CELF2: variants seen among roughly 807,000 people sequenced by gnomAD.
The protein encoded by CELF2 is CUGBP Elav-like family member 2, also known as CUG triplet repeat RNA-binding protein 2.
A neutral mutation model predicts 62.6 loss-of-function variants in CELF2; 8 were observed. The ratio of observed to expected loss-of-function variants is 0.13; its 90% CI spans 0.07 to 0.23. The LOEUF (loss-of-function observed/expected upper bound fraction) is 0.23. Among genes scored for constraint, CELF2 ranks in the 10% least tolerant of loss-of-function variants. The pLI is 1.00. For missense variants in CELF2, 333 were observed against 671.0 expected (o/e 0.50, Z 5.56); for synonymous variants, 258 against 250.0 (o/e 1.03, Z -0.30).
rs17149671 is a variant in CELF2 at position 11,157,018 on chromosome 10, G to T, written c.75-8468G>T. Among the ~76,000 whole-genome samples, 672 of 152,280 alleles carry T rather than the reference G, an allele frequency of 4.4e-3. 8 individuals carry two copies. Among genetic ancestry groups the T allele is most frequent in the African/African-American group, 0.016 (648 of 41,550 alleles). On this transcript the variant is annotated intron_variant, in intron 1 of 12. Transcript: ENST00000633077. The surrounding 1 kb of genome is among the most constrained non-coding windows in gnomAD (Gnocchi z 4.9). ...AGGGCAGTTATTTTCAAATACTTGAGAATGGGTGACCTCTCCACAGGATTC... is the reference window on the plus strand; with the variant it reads ...AGGGCAGTTATTTTCAAATACTTGATAATGGGTGACCTCTCCACAGGATTC...
chr10:10,727,116 G>A, the CELF2 span, among the ~76,000 whole-genome samples: 360 of 152,258 alleles, frequency 2.4e-3, 5 homozygotes, highest in African/African-American at 8.4e-3. Flanking sequence ...ATCACCTCCG[G>A]CCAGGCCCCG....
the CELF2 span, among the ~76,000 whole-genome samples, chr10:10,580,440 T>A: frequency 1.3e-5 from 2 of 152,182 alleles, no homozygotes; most frequent in African/African-American, 4.8e-5. Context: ...AAATCCTTTT[T>A]TTACTCTTCT....
At chr10:10,904,490 C>A (rs1413747342) in intron 1 of CELF2, among the ~76,000 whole-genome samples, 2 of 152,154 alleles carry the variant, frequency 1.3e-5, no homozygotes, top group Non-Finnish European at 2.9e-5. Context: ...CCTCAGCCTC[C>A]CAAAGTGTGG....
intron 1 of CELF2, among the ~76,000 whole-genome samples, chr10:10,913,671 G>A (rs1006582592): frequency 1.3e-5 from 2 of 151,482 alleles, no homozygotes; most frequent in Admixed American, 1.3e-4. Flanking sequence ...GATTACAGGT[G>A]TGAGCCGCTG....
At chr10:10,989,968 C>T (rs769843243) in intron 2 of CELF2, among the ~76,000 whole-genome samples, 1 of 152,040 alleles carries the variant, frequency 6.6e-6, no homozygotes, top group South Asian at 2.1e-4. Context: ...TAACAGTACA[C>T]TTGAGAATAG....
chr10:11,316,457 A>AAGAT lies in CELF2; in HGVS notation c.1096+2203_1096+2206dup, dbSNP rs2094991285. Among the ~76,000 whole-genome samples, 1 of 152,234 alleles carries AAGAT rather than the reference A, an allele frequency of 6.6e-6. No individual in the cohort carries two copies. The highest frequency in any genetic ancestry group is 1.5e-5 in the Non-Finnish European group (1 of 68,040). On this transcript the variant is annotated intron_variant, in intron 10 of 12. Transcript: ENST00000633077. The surrounding 1 kb of genome is among the most constrained non-coding windows in gnomAD (Gnocchi z 4.4). ...TCTAAATATCAACAGAAAACCTTCC[A>AAGAT]AGATAGAGTATCTTCTTTCAGACCA... is the stretch of plus-strand genomic sequence containing the variant.
chr10:11,165,461 T>G lies in CELF2; in HGVS notation c.75-25T>G. On this transcript the variant is annotated intron_variant, in intron 1 of 12. Transcript: ENST00000633077. The surrounding 1 kb of genome is among the most constrained non-coding windows in gnomAD (Gnocchi z 7.4). ...GTCCCTCATCGTGCCGCCCTAACTC[T>G]GGCTCCCGGTTCCGTTTTTGACAGT... 1 of 1,602,826 alleles carries G rather than the reference T, an allele frequency of 6.2e-7. No homozygotes were observed. Among genetic ancestry groups the G allele is most frequent in the Non-Finnish European group, 8.5e-7 (1 of 1,173,282 alleles).
chr10:11,043,130 G>A (rs1037794297), intron 1 of CELF2, among the ~76,000 whole-genome samples: 22 of 152,198 alleles, frequency 1.4e-4, no homozygotes, highest in African/African-American at 5.1e-4. Context: ...CACCAGCAGC[G>A]TATGAGGTTC....
At chr10:10,473,677 C>T in the CELF2 span, among the ~76,000 whole-genome samples, 148 of 151,926 alleles carry the variant, frequency 9.7e-4, 2 homozygotes, top group East Asian at 0.026. Flanking sequence ...AATGGTTATG[C>T]CTATGGTTAA....
the CELF2 span, among the ~76,000 whole-genome samples, chr10:10,529,836 C>G: frequency 1.3e-5 from 2 of 152,110 alleles, no homozygotes; most frequent in African/African-American, 4.8e-5. Context: ...ATGTTCTACC[C>G]CAGAATCCAC....
chr10:10,798,951 G>T, intron 1 of CELF2: 1 of 396,940 alleles, frequency 2.5e-6, no homozygotes. Flanking sequence ...GCGCAGATCT[G>T]CTAGTGGGAA....
chr10:10,697,380 C>G, the CELF2 span, among the ~76,000 whole-genome samples: 4 of 152,170 alleles, frequency 2.6e-5, no homozygotes, highest in African/African-American at 7.2e-5. Context: ...AAACCCAGCT[C>G]ATGAAGTGGG....
intron 3 of CELF2, among the ~76,000 whole-genome samples, chr10:11,222,727 G>A (rs2065241280): frequency 6.6e-6 from 1 of 152,160 alleles, no homozygotes; most frequent in Admixed American, 6.5e-5. Context: ...CATAGTGAAT[G>A]CCCGAATAAG....
intron 1 of CELF2, among the ~76,000 whole-genome samples, chr10:11,078,427 A>C (rs1337477665): frequency 6.6e-6 from 1 of 152,190 alleles, no homozygotes; most frequent in African/African-American, 2.4e-5. Context: ...ACAGGTGCTC[A>C]CAGAGAATAA....
At chr10:10,912,080 C>T (rs997550627) in intron 1 of CELF2, among the ~76,000 whole-genome samples, 1 of 152,136 alleles carries the variant, frequency 6.6e-6, no homozygotes, top group African/African-American at 2.4e-5. Flanking sequence ...GCAGGTACCC[C>T]GTAAATCTTG....
chr10:10,608,965 T>C, the CELF2 span, among the ~76,000 whole-genome samples: 59 of 152,260 alleles, frequency 3.9e-4, no homozygotes, highest in African/African-American at 1.4e-3. Context: ...CATGTGACTG[T>C]GATTTGTGGC....
chr10:11,140,444 G>A (rs2061153849), intron 1 of CELF2, among the ~76,000 whole-genome samples: 1 of 151,712 alleles, frequency 6.6e-6, no homozygotes, highest in Admixed American at 6.6e-5. Flanking sequence ...TCAACTATCT[G>A]GTATGCTTCT....
At chr10:10,745,180 T>G in the CELF2 span, among the ~76,000 whole-genome samples, 1 of 151,458 alleles carries the variant, frequency 6.6e-6, no homozygotes, top group Non-Finnish European at 1.5e-5. Context: ...AAAAGAGGCC[T>G]GTTTCATGGA....
chr10:11,089,139 A>T (rs1361035877), intron 1 of CELF2, among the ~76,000 whole-genome samples: 1 of 152,182 alleles, frequency 6.6e-6, no homozygotes, highest in Non-Finnish European at 1.5e-5. Context: ...GCCAGCCCAG[A>T]TTCAAGAGGA....
Sources: allele counts gnomAD v4.1 joint callset (sites outside exome capture counted in the v4.1 genomes callset), GRCh38; gene constraint gnomAD v4.1.1; non-coding constraint Gnocchi (gnomAD v3.1); transcripts MANE v1.5; gene names NCBI Gene and HGNC (gene_info 2026-07-23, HGNC 2026-07-21).